The following CASP4 variants were observed in gnomAD, a reference collection of about 807,000 sequenced individuals.
CASP4 encodes caspase 4.
In CASP4, 29 loss-of-function variants were observed where a neutral mutation model predicts 41.3. The observed-to-expected ratio is 0.70, with a 90% CI of 0.52 to 0.96. CASP4 has a LOEUF of 0.96. CASP4 is among the 40% of genes least tolerant of loss of function. The pLI is 0.00. For missense variants in CASP4, 447 were observed against 460.6 expected, an observed-to-expected ratio of 0.97 and a Z score of 0.27; for synonymous variants, 185 against 158.4, an observed-to-expected ratio of 1.17 and a Z score of -1.26.
chr11:104,944,831 A>C lies in CASP4; in HGVS notation c.1056T>G (p.Thr352=), dbSNP rs769867736. Residue 352 remains threonine, a synonymous_variant, in exon 8 of 9, where the codon ACT becomes ACG. Transcript: ENST00000444739. The part of the protein sequence containing the change: ...VFRKVQQSFE[T]PRAKAQMPTI... ...TGGGCATTTGAGCTTTGGCCCTTGG[A>C]GTTTCAAATGATTGCTGTACCTGAA... The C allele has an allele frequency of 1.2e-6, 2 of 1,612,740 alleles. No homozygotes were observed. The highest frequency in any genetic ancestry group is 2.2e-5 in the South Asian group (2 of 91,064).
At chr11:104,944,662 C>T in intron 8 of CASP4, 86 bp downstream of exon 8, 1 of 846,968 alleles carries the variant, frequency 1.2e-6, no homozygotes, top group Middle Eastern at 2.4e-4. Flanking sequence ...CATCCAAGTA[C>T]TCAGCTGTCA....
chr11:104,968,280 A>G (rs1482992978), intron 1 of CASP4, among the ~76,000 whole-genome samples: 1 of 152,236 alleles, frequency 6.6e-6, no homozygotes, highest in African/African-American at 2.4e-5. Context: ...CCCTTTGATT[A>G]CCAGAAGCTG....
intron 1 of CASP4, among the ~76,000 whole-genome samples, chr11:104,957,732 A>C (rs1028730805): frequency 6.6e-6 from 1 of 152,202 alleles, no homozygotes; most frequent in Non-Finnish European, 1.5e-5. Context: ...GATACAATGC[A>C]ATTCCTATCA....
intron 4 of CASP4, among the ~76,000 whole-genome samples, chr11:104,950,723 T>C (rs1024311655): frequency 1.3e-5 from 2 of 152,062 alleles, no homozygotes; most frequent in African/African-American, 4.8e-5. Context: ...ATGTTTAGTC[T>C]AGTTTTCCAG....
At chr11:104,948,366 T>C in intron 6 of CASP4, 167 bp downstream of exon 6, 2 of 528,740 alleles carry the variant, frequency 3.8e-6, no homozygotes, top group South Asian at 6.6e-5. Context: ...ATGTATCGGG[T>C]TGCTTTAGGA....
At chr11:104,955,063 T>G in intron 1 of CASP4, 62 bp from the exon 2 acceptor site, 1 of 1,487,708 alleles carries the variant, frequency 6.7e-7, no homozygotes, top group South Asian at 1.2e-5. Flanking sequence ...CACCCTCACT[T>G]TAGATATAGT....
chr11:104,966,767 T>G (rs923750187), intron 1 of CASP4, among the ~76,000 whole-genome samples: 1 of 152,152 alleles, frequency 6.6e-6, no homozygotes, highest in Non-Finnish European at 1.5e-5. Flanking sequence ...TTGCAGAAAG[T>G]TAGATTAATG....
At chr11:104,951,821 TG>T in intron 3 of CASP4, 74 bp downstream of exon 3, 1 of 938,642 alleles carries the variant, frequency 1.1e-6, no homozygotes, top group Non-Finnish European at 1.7e-6. Flanking sequence ...CATTTAGTGC[TG>T]TAAGAAATGG....
chr11:104,943,044 G>C (rs1425749540), intron 8 of CASP4, 71 bp from the exon 9 acceptor site: 1 of 447,262 alleles, frequency 2.2e-6, no homozygotes, highest in Non-Finnish European at 4.5e-6. Flanking sequence ...CCCTCATCAT[G>C]ATTCTTCTTG....
chr11:104,949,702 T>C lies in CASP4; in HGVS notation c.622A>G (p.Met208Val), dbSNP rs767648622. Reference protein sequence around the residue: ...KSSDSTFLVLMSHGILEGICG... With the variant: ...KSSDSTFLVLVSHGILEGICG... ...ATTCCCTCCAGGATGCCATGAGACA[T>C]GAGTACCAAGAATGTGCTGTCAGAG... Residue 208 changes from methionine to valine, a missense_variant, in exon 5 of 9, where the codon ATG (methionine) becomes GTG (valine). Coordinates refer to ENST00000444739, the MANE Select transcript of CASP4 (RefSeq NM_001225.4). The C allele has an allele frequency of 2.5e-6, 4 of 1,613,842 alleles. No homozygotes were observed. The highest frequency in any genetic ancestry group is 2.7e-5 in the African/African-American group (2 of 74,904).
At position 104,951,109 on chromosome 11, in the gene CASP4, T is replaced by C; in HGVS notation, c.373-11A>G. 6.2e-7 allele frequency: 1 copy of C among 1,606,514 alleles called. No individual in the cohort carries two copies. The highest frequency in any genetic ancestry group is 8.5e-7 in the Non-Finnish European group (1 of 1,175,790). The stretch of plus-strand genomic sequence containing the variant: ...CTTTATTGGATAGATCTGCAGGATA[T>C]GGAGATGCAATAAATTTAATTTACT... On this transcript the variant is annotated splice_polypyrimidine_tract_variant and intron_variant, in intron 3 of 8. Coordinates refer to ENST00000444739, the MANE Select transcript of CASP4 (RefSeq NM_001225.4).
At chr11:104,959,076 A>T (rs918961946) in intron 1 of CASP4, among the ~76,000 whole-genome samples, 1 of 151,912 alleles carries the variant, frequency 6.6e-6, no homozygotes, top group Non-Finnish European at 1.5e-5. Flanking sequence ...AAGCAATCCC[A>T]CTATTAAGTA....
At chr11:104,945,755 C>T (rs140182926) in intron 7 of CASP4, among the ~76,000 whole-genome samples, 1 of 152,184 alleles carries the variant, frequency 6.6e-6, no homozygotes, top group African/African-American at 2.4e-5. Context: ...AAAGATTTAA[C>T]TTCCCAGATC....
intron 6 of CASP4, 48 bp from the exon 7 acceptor site, chr11:104,947,240 T>C: frequency 9.1e-7 from 1 of 1,099,120 alleles, no homozygotes; most frequent in Non-Finnish European, 1.3e-6. Context: ...TTTCACTATG[T>C]TTTTGTTCAT....
At chr11:104,966,681 GC>G (rs1860983227) in intron 1 of CASP4, among the ~76,000 whole-genome samples, 1 of 152,154 alleles carries the variant, frequency 6.6e-6, no homozygotes, top group African/African-American at 2.4e-5. Context: ...GGAGAGCTGG[GC>G]TTTAGAAGGA....
Position 104,942,992 on chromosome 11 carries a change from A to G in CASP4, c.*6-19T>C, listed in dbSNP as rs1287700833. On this transcript the variant is annotated intron_variant, in intron 8 of 8. Coordinates refer to ENST00000444739, the MANE Select transcript of CASP4 (RefSeq NM_001225.4). ...TGGCTTCCTGCAGGGGAGAGAAAAA[A>G]CAGAAGGTCAAGATGGTTACCCCTT... 1 of 454,540 alleles carries G rather than the reference A, an allele frequency of 2.2e-6. No homozygotes were observed. Among genetic ancestry groups the G allele is most frequent in the South Asian group, 1.6e-5 (1 of 64,492 alleles). 28.2% of individuals were successfully genotyped at this position (454,540 alleles called of 1,614,324 possible).
chr11:104,952,152 G>A, intron 2 of CASP4, 147 bp from the exon 3 acceptor site: 2 of 577,500 alleles, frequency 3.5e-6, no homozygotes, highest in African/African-American at 1.9e-5. Flanking sequence ...TTCTACATCA[G>A]GAGATGTATT....
chr11:104,953,316 C>G (rs1446417960), intron 2 of CASP4, among the ~76,000 whole-genome samples: 6 of 152,190 alleles, frequency 3.9e-5, no homozygotes, highest in East Asian at 3.9e-4. Context: ...TTGCCGCTGC[C>G]TTATTCCTGC....
chr11:104,968,057 G>GA (rs1290326399), intron 1 of CASP4, among the ~76,000 whole-genome samples: 2 of 151,898 alleles, frequency 1.3e-5, no homozygotes, highest in African/African-American at 4.8e-5. Flanking sequence ...CGAGAAAGAG[G>GA]AAAAAATTGA....
Sources: gnomAD v4.1 joint callset for allele counts (sites outside exome capture counted in the v4.1 genomes callset) on GRCh38, gnomAD v4.1.1 for gene constraint, MANE v1.5 for transcripts, NCBI Gene and HGNC (gene_info 2026-07-23, HGNC 2026-07-21) for gene names.